The following RIN2 variants were observed in gnomAD, a reference collection of about 807,000 sequenced individuals.
RIN2 encodes the protein Ras and Rab interactor 2.
Under a neutral mutation model 78.0 loss-of-function variants are expected in RIN2, and 36 were observed. The observed-to-expected ratio is 0.46, with a 90% CI of 0.35 to 0.61. The LOEUF (loss-of-function observed/expected upper bound fraction) is 0.61, where lower values mean the gene tolerates loss of function less well. RIN2 is among the 20% of genes least tolerant of loss of function. The pLI is 0.00. For synonymous variants in RIN2, 466 were observed against 466.8 expected, an observed-to-expected ratio of 1.00 and a Z score of 0.02; for missense variants, 1,087 against 1,159.7, an observed-to-expected ratio of 0.94 and a Z score of 0.91.
intron 2 of RIN2, among the ~76,000 whole-genome samples, chr20:19,836,088 G>C (rs1051502271): frequency 6.6e-6 from 1 of 152,176 alleles, no homozygotes; most frequent in African/African-American, 2.4e-5. Flanking sequence ...TCTGCACCAA[G>C]CACTTAGGGA....
intron 2 of RIN2, among the ~76,000 whole-genome samples, chr20:19,847,439 C>T (rs961516367): frequency 3.9e-5 from 6 of 152,136 alleles, no homozygotes; most frequent in Admixed American, 1.3e-4. Context: ...TATGCATAAA[C>T]GTGCATGCAG....
At chr20:19,796,788 G>C (rs2035069713) in intron 1 of RIN2, among the ~76,000 whole-genome samples, 1 of 152,164 alleles carries the variant, frequency 6.6e-6, no homozygotes, top group Non-Finnish European at 1.5e-5. Context: ...ATTGAGCCTT[G>C]GGACCAAGTT....
chr20:20,000,989 C>T lies in RIN2; in HGVS notation c.*53C>T. On this transcript the variant is annotated 3_prime_UTR_variant, in exon 13 of 13. Coordinates refer to ENST00000255006, the MANE Select transcript of RIN2 (RefSeq NM_018993.4). ...ATCCAAAGGGGAGCTGGAAGCCTTGCCTTCCCGCTTCTACATGCTTGAGCT... is the reference window on the plus strand; with the variant it reads ...ATCCAAAGGGGAGCTGGAAGCCTTGTCTTCCCGCTTCTACATGCTTGAGCT... The T allele has an allele frequency of 2.0e-6, 3 of 1,476,280 alleles. 1 individual carries two copies. The highest frequency in any genetic ancestry group is 2.0e-4 in the Middle Eastern group (1 of 4,920). The allele number at this position is 1,476,280 out of a possible 1,614,324, so 91.4% of individuals were successfully genotyped here.
intron 1 of RIN2, among the ~76,000 whole-genome samples, chr20:19,759,979 A>T (rs188169752): frequency 6.6e-6 from 1 of 152,194 alleles, no homozygotes; most frequent in African/African-American, 2.4e-5. Flanking sequence ...AGTGGCATGC[A>T]ACAGATTGAG....
intron 2 of RIN2, among the ~76,000 whole-genome samples, chr20:19,874,177 T>C (rs1210384556): frequency 6.6e-6 from 1 of 152,028 alleles, no homozygotes; most frequent in Non-Finnish European, 1.5e-5. Context: ...ATGGAGAAAA[T>C]GTGAATGTTA....
At chr20:19,772,284 C>T (rs937220283) in intron 1 of RIN2, among the ~76,000 whole-genome samples, 8 of 152,228 alleles carry the variant, frequency 5.3e-5, no homozygotes, top group East Asian at 3.9e-4. Flanking sequence ...GAACTCTTTA[C>T]GAGTGCATCG....
chr20:19,920,262 C>T (rs544992805), intron 3 of RIN2, among the ~76,000 whole-genome samples: 1 of 149,358 alleles, frequency 6.7e-6, no homozygotes, highest in Non-Finnish European at 1.5e-5. Context: ...CGCCACTGCA[C>T]TCCAGTCTGG....
At chr20:19,881,723 G>A (rs1372339804) in intron 2 of RIN2, among the ~76,000 whole-genome samples, 1 of 152,042 alleles carries the variant, frequency 6.6e-6, no homozygotes, top group Non-Finnish European at 1.5e-5. Context: ...GGAATTACAG[G>A]CATGCACCAC....
chr20:19,802,666 G>T (rs190879350), intron 2 of RIN2, among the ~76,000 whole-genome samples: 7 of 152,066 alleles, frequency 4.6e-5, no homozygotes, highest in Admixed American at 2.6e-4. Context: ...CACCTGGGTC[G>T]CTAGGGTTGG....
At chr20:19,778,395 G>T (rs1266536162) in intron 1 of RIN2, among the ~76,000 whole-genome samples, 1 of 152,238 alleles carries the variant, frequency 6.6e-6, no homozygotes, top group African/African-American at 2.4e-5. Flanking sequence ...GGCACTGTTA[G>T]TTGTGTGTGA....
chr20:19,838,663 A>G (rs1050527928), intron 2 of RIN2, among the ~76,000 whole-genome samples: 1 of 152,154 alleles, frequency 6.6e-6, no homozygotes, highest in African/African-American at 2.4e-5. Flanking sequence ...TCTTTCCCGC[A>G]TGGCTACAGG....
intron 8 of RIN2, among the ~76,000 whole-genome samples, chr20:19,972,434 G>GCTCC (rs1439782805): frequency 6.6e-6 from 1 of 152,178 alleles, no homozygotes; most frequent in African/African-American, 2.4e-5. Context: ...AAAAGAGTTT[G>GCTCC]CTCCAGTGGC....
At chr20:19,958,477 C>T (rs1048310564) in intron 5 of RIN2, among the ~76,000 whole-genome samples, 3 of 152,280 alleles carry the variant, frequency 2.0e-5, no homozygotes, top group South Asian at 2.1e-4. Context: ...TTCTCTCCAT[C>T]CACCTGCCTG....
chr20:19,922,010 C>T (rs745702232), intron 3 of RIN2, among the ~76,000 whole-genome samples: 4 of 152,174 alleles, frequency 2.6e-5, no homozygotes, highest in Admixed American at 2.0e-4. Context: ...AGATTACAGG[C>T]GCATGCCACC....
chr20:19,814,531 C>T (rs1000546850), intron 2 of RIN2, among the ~76,000 whole-genome samples: 1 of 152,178 alleles, frequency 6.6e-6, no homozygotes, highest in Non-Finnish European at 1.5e-5. Flanking sequence ...AACATCTCAC[C>T]CCAGATGTCC....
chr20:19,784,472 C>T (rs2034609925), intron 1 of RIN2, among the ~76,000 whole-genome samples: 2 of 143,122 alleles, frequency 1.4e-5, no homozygotes, highest in South Asian at 2.1e-4. Context: ...CAGTAAATGG[C>T]ATTATTATTT....
intron 3 of RIN2, among the ~76,000 whole-genome samples, chr20:19,912,941 C>T (rs1164985649): frequency 1.3e-5 from 2 of 152,172 alleles, no homozygotes; most frequent in Non-Finnish European, 2.9e-5. Flanking sequence ...CATGAGCGTG[C>T]GGTGCACAGG....
intron 1 of RIN2, among the ~76,000 whole-genome samples, chr20:19,794,235 G>C (rs887037029): frequency 1.3e-5 from 2 of 152,192 alleles, no homozygotes; most frequent in African/African-American, 2.4e-5. Flanking sequence ...CACCCAGCAA[G>C]TGGCCTGCAT....
At chr20:19,878,465 G>A (rs746813496) in intron 2 of RIN2, among the ~76,000 whole-genome samples, 35 of 152,190 alleles carry the variant, frequency 2.3e-4, no homozygotes, top group South Asian at 4.1e-4. Flanking sequence ...ATGTCCCCAT[G>A]TTCAGGGACA....
Sources: gnomAD v4.1 joint callset for allele counts (sites outside exome capture counted in the v4.1 genomes callset) on GRCh38, gnomAD v4.1.1 for gene constraint, MANE v1.5 for transcripts, NCBI Gene and HGNC (gene_info 2026-07-23, HGNC 2026-07-21) for gene names.